Variants in GALNT13 observed in about 807,000 individuals in gnomAD.
GALNT13 encodes polypeptide N-acetylgalactosaminyltransferase 13.
In GALNT13, 28 loss-of-function variants were observed where a neutral mutation model predicts 64.2. The ratio of observed to expected loss-of-function variants is 0.44; its 90% confidence interval spans 0.32 to 0.60. The LOEUF (loss-of-function observed/expected upper bound fraction) is 0.60, where lower values mean the gene tolerates loss of function less well. Ranked by LOEUF, GALNT13 falls within the 20% of genes least tolerant of loss-of-function variation. The pLI is 0.05. For missense variants in GALNT13, 577 were observed against 669.8 expected (o/e 0.86, Z 1.53); for synonymous variants, 214 against 224.6 (o/e 0.95, Z 0.42).
chr2:154,045,243 T>C (rs1322943206), intron 3 of GALNT13, among the ~76,000 whole-genome samples: 1 of 152,132 alleles, frequency 6.6e-6, no homozygotes, highest in Non-Finnish European at 1.5e-5. Context: ...GGATGAATAA[T>C]TGGGTAGACA....
chr2:153,556,419 CTT>C, the GALNT13 span, among the ~76,000 whole-genome samples: 1 of 152,092 alleles, frequency 6.6e-6, no homozygotes, highest in Non-Finnish European at 1.5e-5. Context: ...TTAAACATAT[CTT>C]TAAGTAAATT....
At chr2:154,308,128 A>C (rs1693841182) in intron 9 of GALNT13, among the ~76,000 whole-genome samples, 1 of 152,144 alleles carries the variant, frequency 6.6e-6, no homozygotes. Flanking sequence ...ATCCCAAAAC[A>C]TACCTTAAAA....
At chr2:153,988,681 C>T (rs932258914) in intron 3 of GALNT13, among the ~76,000 whole-genome samples, 2 of 151,898 alleles carry the variant, frequency 1.3e-5, no homozygotes, top group African/African-American at 4.8e-5. Flanking sequence ...TTGTCAGAAG[C>T]AAGGGCATTG....
the GALNT13 span, chr2:153,159,754 T>C: frequency 3.3e-5 from 5 of 152,336 alleles, no homozygotes; most frequent in East Asian, 9.6e-4. Flanking sequence ...TCTATCCCAA[T>C]TGAGACAGCT....
chr2:153,883,541 C>G (rs769881748), intron 1 of GALNT13, among the ~76,000 whole-genome samples: 45 of 152,054 alleles, frequency 3.0e-4, no homozygotes, highest in Non-Finnish European at 6.0e-4. Flanking sequence ...CAGGTTGAAC[C>G]TCAGCAAACT....
the GALNT13 span, among the ~76,000 whole-genome samples, chr2:153,391,494 T>C: frequency 1.0e-3 from 157 of 152,264 alleles, no homozygotes; most frequent in African/African-American, 3.7e-3. Flanking sequence ...GATTGTAAGA[T>C]ATTTCTACTA....
rs188891816 is a variant in GALNT13 at position 154,033,864 on chromosome 2, G to A, written c.142+89225G>A. 2.2e-3 allele frequency among the ~76,000 whole-genome samples: 329 copies of A among 152,180 alleles called. 2 individuals are homozygous for A. Among genetic ancestry groups the A allele is most frequent in the African/African-American group, 7.1e-3 (296 of 41,530 alleles). On this transcript the variant is annotated intron_variant, in intron 3 of 12. Transcript: ENST00000392825. ...TGAGGCAAGAGAATCTCTTGAACCC[G>A]GGGGGTGGAGGTTGCAGTGAGCTGA...
At chr2:153,969,871 ACTT>A (rs935234577) in intron 3 of GALNT13, among the ~76,000 whole-genome samples, 2 of 152,056 alleles carry the variant, frequency 1.3e-5, no homozygotes, top group African/African-American at 4.8e-5. Flanking sequence ...GCCTAATCCT[ACTT>A]ACTATTTATT....
chr2:153,347,750 A>G, the GALNT13 span, among the ~76,000 whole-genome samples: 2 of 152,178 alleles, frequency 1.3e-5, no homozygotes, highest in Non-Finnish European at 2.9e-5. Flanking sequence ...GAAGAATCAT[A>G]TGGTCTAATG....
chr2:153,532,811 G>C, the GALNT13 span, among the ~76,000 whole-genome samples: 1 of 152,152 alleles, frequency 6.6e-6, no homozygotes, highest in Non-Finnish European at 1.5e-5. Flanking sequence ...CTAGAGTGGG[G>C]GCACAGGGCT....
At chr2:154,093,114 A>G (rs1263717391) in intron 3 of GALNT13, among the ~76,000 whole-genome samples, 1 of 152,072 alleles carries the variant, frequency 6.6e-6, no homozygotes, top group Non-Finnish European at 1.5e-5. Flanking sequence ...ATGTCTCAAT[A>G]GAATCTCAAT....
chr2:153,732,762 T>C, the GALNT13 span, among the ~76,000 whole-genome samples: 1 of 152,198 alleles, frequency 6.6e-6, no homozygotes, highest in Middle Eastern at 3.4e-3. Context: ...CTCTGATTAT[T>C]TTTTAGGTAA....
chr2:153,579,403 G>C, the GALNT13 span, among the ~76,000 whole-genome samples: 1 of 152,156 alleles, frequency 6.6e-6, no homozygotes, highest in Non-Finnish European at 1.5e-5. Flanking sequence ...TCGAACTGAA[G>C]TCAATCAGAG....
At chr2:153,474,999 G>T in the GALNT13 span, among the ~76,000 whole-genome samples, 1 of 152,176 alleles carries the variant, frequency 6.6e-6, no homozygotes, top group African/African-American at 2.4e-5. Context: ...TCTGGGAAAG[G>T]ACCGACACTC....
chr2:154,008,220 TG>T (rs1696390832), intron 3 of GALNT13, among the ~76,000 whole-genome samples: 1 of 152,148 alleles, frequency 6.6e-6, no homozygotes, highest in Admixed American at 6.5e-5. Context: ...TTCCAGCTTT[TG>T]CCCATTCAAT....
the GALNT13 span, among the ~76,000 whole-genome samples, chr2:153,773,276 T>C: frequency 6.6e-5 from 10 of 152,220 alleles, no homozygotes; most frequent in Non-Finnish European, 1.3e-4. Context: ...CTTCCCTACC[T>C]AGGTCGGGTG....
At chr2:153,205,792 A>G in the GALNT13 span, among the ~76,000 whole-genome samples, 3 of 152,206 alleles carry the variant, frequency 2.0e-5, no homozygotes, top group East Asian at 3.9e-4. Context: ...GAAATTATTT[A>G]ATTTTACAAC....
At chr2:153,366,026 T>C in the GALNT13 span, among the ~76,000 whole-genome samples, 917 of 152,068 alleles carry the variant, frequency 6.0e-3, 2 homozygotes, top group South Asian at 0.012. Context: ...AAAAAGAAAA[T>C]GTTATACATG....
At chr2:153,104,640 G>C in the GALNT13 span, among the ~76,000 whole-genome samples, 2 of 152,056 alleles carry the variant, frequency 1.3e-5, no homozygotes, top group Non-Finnish European at 2.9e-5. Context: ...ATGGAAGTTA[G>C]ACTTACTATT....
Sources: gnomAD v4.1 joint callset for allele counts (sites outside exome capture counted in the v4.1 genomes callset) on GRCh38, gnomAD v4.1.1 for gene constraint, MANE v1.5 for transcripts, NCBI Gene and HGNC (gene_info 2026-07-23, HGNC 2026-07-21) for gene names.